The following SLIT3 variants were observed in gnomAD, a reference collection of about 807,000 sequenced individuals.
SLIT3 encodes slit guidance ligand 3.
SLIT3 carries 68 observed loss-of-function variants against 184.0 expected under a neutral mutation model. The observed-to-expected ratio is 0.37, with a 90% CI of 0.30 to 0.45. SLIT3 has a LOEUF of 0.45. SLIT3 is among the 20% of genes least tolerant of loss of function. The probability of loss-of-function intolerance (pLI) is 1.00; values close to 1 mark genes in which losing one functional copy is unlikely to be tolerated. For synonymous variants in SLIT3, 831 were observed against 828.6 expected (o/e 1.00, Z -0.05); for missense variants, 1,707 against 2,026.0 (o/e 0.84, Z 3.02).
intron 6 of SLIT3, among the ~76,000 whole-genome samples, chr5:168,844,296 G>A (rs952894880): frequency 6.6e-6 from 1 of 152,120 alleles, no homozygotes; most frequent in Non-Finnish European, 1.5e-5. Flanking sequence ...AACGAATGCT[G>A]CAGGAGCACT....
chr5:169,101,021 T>C (rs1421971448), intron 4 of SLIT3, among the ~76,000 whole-genome samples: 1 of 152,226 alleles, frequency 6.6e-6, no homozygotes, highest in African/African-American at 2.4e-5. Context: ...CCTGCCTAGC[T>C]GGTTTTGAGT....
At chr5:169,139,501 G>A (rs1441831239) in intron 4 of SLIT3, among the ~76,000 whole-genome samples, 1 of 152,152 alleles carries the variant, frequency 6.6e-6, no homozygotes, top group Non-Finnish European at 1.5e-5. Context: ...TACACAGCTA[G>A]CCAGCAACAG....
intron 4 of SLIT3, among the ~76,000 whole-genome samples, chr5:169,068,805 G>C (rs1302104455): frequency 6.6e-6 from 1 of 150,786 alleles, no homozygotes; most frequent in Non-Finnish European, 1.5e-5. Flanking sequence ...ACTCATTACG[G>C]GAAAAACCCT....
At chr5:169,039,801 C>T (rs1216530210) in intron 4 of SLIT3, among the ~76,000 whole-genome samples, 2 of 152,180 alleles carry the variant, frequency 1.3e-5, no homozygotes, top group South Asian at 2.1e-4. Context: ...TGATACAGTA[C>T]AATGCCTTAT....
chr5:169,127,920 C>A (rs1761142926), intron 4 of SLIT3, among the ~76,000 whole-genome samples: 1 of 152,148 alleles, frequency 6.6e-6, no homozygotes, highest in Non-Finnish European at 1.5e-5. Flanking sequence ...ACCCAGTAAT[C>A]CCACTTTGGG....
chr5:168,948,769 G>A (rs1418465057), intron 4 of SLIT3, among the ~76,000 whole-genome samples: 2 of 152,150 alleles, frequency 1.3e-5, no homozygotes, highest in Non-Finnish European at 2.9e-5. Context: ...TATTAGGGCT[G>A]CCCCCGGGTT....
At chr5:169,151,150 A>G (rs1762102689) in intron 4 of SLIT3, among the ~76,000 whole-genome samples, 1 of 152,220 alleles carries the variant, frequency 6.6e-6, no homozygotes, top group Non-Finnish European at 1.5e-5. Context: ...CGTTTGAAAC[A>G]GAAGCAGTGA....
At chr5:169,197,993 T>C (rs930096386) in intron 3 of SLIT3, among the ~76,000 whole-genome samples, 1 of 152,212 alleles carries the variant, frequency 6.6e-6, no homozygotes, top group Non-Finnish European at 1.5e-5. Flanking sequence ...ATGTATCCAT[T>C]CAACCATTCA....
At chr5:169,105,078 T>C (rs1347579183) in intron 4 of SLIT3, among the ~76,000 whole-genome samples, 1 of 152,194 alleles carries the variant, frequency 6.6e-6, no homozygotes, top group African/African-American at 2.4e-5. Flanking sequence ...CATTTCCCTT[T>C]GTTTGCCTGT....
intron 3 of SLIT3, among the ~76,000 whole-genome samples, chr5:169,200,035 G>C (rs749217): frequency 0.069 from 10,473 of 152,238 alleles, 455 homozygotes; most frequent in South Asian, 0.12. Flanking sequence ...GGCTCCCAGA[G>C]GGCCTGCCTA....
At chr5:168,837,651 C>T (rs1758097694) in intron 6 of SLIT3, among the ~76,000 whole-genome samples, 1 of 152,160 alleles carries the variant, frequency 6.6e-6, no homozygotes. Flanking sequence ...GATTTGGTTC[C>T]ACATACTTTA....
rs763884356 is a variant in SLIT3, at chr5:168,762,674, C to T, written c.1475G>A (p.Arg492His). 4.5e-5 allele frequency: 73 copies of T among 1,613,558 alleles called. No homozygotes were observed. Among genetic ancestry groups the T allele is most frequent in the Non-Finnish European group, 5.4e-5 (64 of 1,179,870 alleles). Reference sequence around the variant, plus strand: ...GAAGCACTCGCTGCTGAACCTGCTGCGGTAATCCTCGGAGCCTGGGAGGGG... The same window carrying T: ...GAAGCACTCGCTGCTGAACCTGCTGTGGTAATCCTCGGAGCCTGGGAGGGG... ...KFRCSGSEDY[R>H]SRFSSECFMD... Residue 492 changes from arginine (R) to histidine (H), a missense_variant, in exon 15 of 36, where the codon CGC (arginine) becomes CAC (histidine). Arg to His is a conservative substitution (Grantham distance 29, BLOSUM62 0). Transcript: ENST00000519560.
At chr5:169,252,397 G>A (rs924135397) in intron 1 of SLIT3, among the ~76,000 whole-genome samples, 6 of 152,330 alleles carry the variant, frequency 3.9e-5, no homozygotes, top group African/African-American at 1.4e-4. Flanking sequence ...CTGAAGTGGT[G>A]GCGGTGATAT....
At chr5:168,969,455 CTGT>C (rs1214268081) in intron 4 of SLIT3, among the ~76,000 whole-genome samples, 2 of 152,212 alleles carry the variant, frequency 1.3e-5, no homozygotes, top group African/African-American at 4.8e-5. Context: ...ACAGGCGGTT[CTGT>C]TGTTGACATC....
At chr5:168,685,974 A>T (rs200035356) in intron 30 of SLIT3, 47 bp from the exon 31 acceptor site, 2 of 1,558,446 alleles carry the variant, frequency 1.3e-6, no homozygotes, top group Non-Finnish European at 1.7e-6. Flanking sequence ...AATGGCCAAG[A>T]GGAGACAATC....
intron 2 of SLIT3, among the ~76,000 whole-genome samples, chr5:169,250,871 T>C (rs1430661081): frequency 6.6e-6 from 1 of 152,248 alleles, no homozygotes; most frequent in Non-Finnish European, 1.5e-5. Context: ...CAATGAAACC[T>C]AATATTCCTT....
intron 4 of SLIT3, among the ~76,000 whole-genome samples, chr5:169,094,432 C>G (rs1759705856): frequency 6.6e-6 from 1 of 152,206 alleles, no homozygotes; most frequent in African/African-American, 2.4e-5. Context: ...AGTTTGAGAC[C>G]AGCCTGGCCA....
chr5:168,936,304 G>C (rs139116397), intron 4 of SLIT3, among the ~76,000 whole-genome samples: 1 of 152,104 alleles, frequency 6.6e-6, no homozygotes, highest in South Asian at 2.1e-4. Context: ...GTGCAATCTC[G>C]GCTCACTGCA....
At chr5:169,089,027 A>AAAAAAAAAAAAAAAAAAAAAAAC (rs1759455081) in intron 4 of SLIT3, among the ~76,000 whole-genome samples, 1 of 109,456 alleles carries the variant, frequency 9.1e-6, no homozygotes, top group Non-Finnish European at 1.9e-5. Flanking sequence ...CTCAAAAAAA[A>AAAAAAAAAAAAAAAAAAAAAAAC]AAAAAAAAAA....
Sources: allele counts gnomAD v4.1 joint callset (sites outside exome capture counted in the v4.1 genomes callset), GRCh38; gene constraint gnomAD v4.1.1; transcripts MANE v1.5; gene names NCBI Gene and HGNC (gene_info 2026-07-23, HGNC 2026-07-21).